Variants in GLRA2 observed in about 807,000 individuals in gnomAD.
GLRA2 encodes the protein glycine receptor alpha 2, also known as glycine receptor subunit alpha-2.
Under a neutral mutation model 31.6 loss-of-function variants are expected in GLRA2, and 11 were observed. The observed-to-expected ratio is 0.35, with a 90% CI of 0.22 to 0.58. GLRA2 has a LOEUF of 0.58. Ranked by LOEUF, GLRA2 falls within the 20% of genes least tolerant of loss-of-function variation. The pLI, the probability that GLRA2 is intolerant of heterozygous loss-of-function variation, is 0.84. For missense variants in GLRA2, 212 were observed against 351.8 expected, an observed-to-expected ratio of 0.60 and a Z score of 3.18; for synonymous variants, 132 against 134.0, an observed-to-expected ratio of 0.99 and a Z score of 0.10.
chrX:14,489,370 G>A, the GLRA2 span, among the ~76,000 whole-genome samples: 2 of 111,389 alleles, frequency 1.8e-5, no homozygotes, highest in African/African-American at 6.5e-5. Context: ...ATTGTTGTGG[G>A]ACTTTTCCTT....
intron 7 of GLRA2, among the ~76,000 whole-genome samples, chrX:14,629,009 C>T (rs2090617508): frequency 9.0e-6 from 1 of 110,886 alleles, no homozygotes; most frequent in South Asian, 3.8e-4. Flanking sequence ...TACTGGCTGT[C>T]GGAATGAAGA....
intron 2 of GLRA2, among the ~76,000 whole-genome samples, chrX:14,569,630 G>A (rs1160128188): frequency 1.8e-5 from 2 of 112,564 alleles, no homozygotes; most frequent in Non-Finnish European, 3.8e-5. Context: ...CACAGATGTG[G>A]AGAAATTGGA....
intron 4 of GLRA2, 65 bp downstream of exon 4, chrX:14,581,471 T>A: frequency 3.2e-6 from 2 of 627,904 alleles, no homozygotes; most frequent in Non-Finnish European, 5.4e-6. Flanking sequence ...GCTGCCTGAT[T>A]CTGCAGGGTA....
intron 2 of GLRA2, among the ~76,000 whole-genome samples, chrX:14,572,665 T>C (rs945456337): frequency 8.9e-6 from 1 of 112,217 alleles, no homozygotes; most frequent in Non-Finnish European, 1.9e-5. Context: ...CGGGACAAAT[T>C]AAAAATAGTT....
At chrX:14,700,580 C>T (rs1433875633) in intron 8 of GLRA2, among the ~76,000 whole-genome samples, 1 of 111,467 alleles carries the variant, frequency 9.0e-6, no homozygotes, top group Non-Finnish European at 1.9e-5. Context: ...TAAGAAGCAG[C>T]CATGGATTTT....
At chrX:14,582,693 G>A (rs1054760168) in intron 4 of GLRA2, among the ~76,000 whole-genome samples, 4 of 111,779 alleles carry the variant, frequency 3.6e-5, no homozygotes, top group Admixed American at 9.5e-5. Context: ...ATTTTAAAAC[G>A]GGAAACTCCA....
intron 3 of GLRA2, among the ~76,000 whole-genome samples, chrX:14,575,511 C>A (rs1286451606): frequency 1.8e-5 from 2 of 110,860 alleles, no homozygotes; most frequent in African/African-American, 3.3e-5. Context: ...CTCTTCTGCC[C>A]AGGTTGGAGT....
rs940930542 is a variant in GLRA2 at position 14,582,313 on chromosome X, G to A, written c.494+907G>A. On this transcript the variant is annotated intron_variant, in intron 4 of 8. Transcript: ENST00000218075. ...TTCCCACCTATGAGTGAGAATATGC[G>A]GTGTTTGGTTTTTTCTTCTTGCGAT... Among the ~76,000 whole-genome samples the A allele has an allele frequency of 3.6e-4, 38 of 105,308 alleles. 2 individuals carry two copies. The highest frequency in any genetic ancestry group is 2.4e-3 in the East Asian group (8 of 3,392). 91.4% of individuals were successfully genotyped at this position (105,308 alleles called of 115,157 possible).
chrX:14,488,165 G>T, the GLRA2 span, among the ~76,000 whole-genome samples: 1 of 111,899 alleles, frequency 8.9e-6, no homozygotes, highest in African/African-American at 3.2e-5. Flanking sequence ...TTCACCCACA[G>T]GCTCACTGAA....
the GLRA2 span, among the ~76,000 whole-genome samples, chrX:14,518,760 C>T: frequency 9.2e-6 from 1 of 108,362 alleles, no homozygotes; most frequent in Admixed American, 9.9e-5. Context: ...CCTGTAATCC[C>T]AGCACTTTGG....
At chrX:14,490,159 C>T in the GLRA2 span, among the ~76,000 whole-genome samples, 5 of 112,008 alleles carry the variant, frequency 4.5e-5, no homozygotes, top group Non-Finnish European at 9.4e-5. Flanking sequence ...AGGCTACTCA[C>T]CTGCCTGGGA....
intron 7 of GLRA2, among the ~76,000 whole-genome samples, chrX:14,626,128 T>C (rs959738259): frequency 5.3e-5 from 6 of 112,365 alleles, no homozygotes; most frequent in African/African-American, 1.6e-4. Flanking sequence ...ATGAGGTAAG[T>C]AGTATTTTGC....
chrX:14,544,717 A>G (rs980400205), intron 2 of GLRA2, among the ~76,000 whole-genome samples: 20 of 111,920 alleles, frequency 1.8e-4, no homozygotes, highest in South Asian at 7.4e-4. Flanking sequence ...ATTGTTTGCA[A>G]TGAAGATGGA....
At chrX:14,635,415 CAT>C (rs1248247759) in intron 7 of GLRA2, among the ~76,000 whole-genome samples, 1 of 111,695 alleles carries the variant, frequency 9.0e-6, no homozygotes, top group Non-Finnish European at 1.9e-5. Context: ...TGACCACACA[CAT>C]GTGGCTGAGG....
chrX:14,556,405 A>G (rs1019779123), intron 2 of GLRA2, among the ~76,000 whole-genome samples: 2 of 111,675 alleles, frequency 1.8e-5, no homozygotes, highest in African/African-American at 3.3e-5. Context: ...ACTAATTCCA[A>G]ATGGCATTCA....
At chrX:14,645,092 A>G (rs1046881384) in intron 7 of GLRA2, among the ~76,000 whole-genome samples, 7 of 111,788 alleles carry the variant, frequency 6.3e-5, no homozygotes, top group African/African-American at 2.3e-4. Flanking sequence ...CATTAATGAG[A>G]AATGTTGGTT....
intron 7 of GLRA2, among the ~76,000 whole-genome samples, chrX:14,664,975 A>C (rs2091025254): frequency 8.9e-6 from 1 of 111,779 alleles, no homozygotes. Context: ...GCACGCCATC[A>C]GCCCAACTGC....
At chrX:14,702,768 G>C (rs959947112) in intron 8 of GLRA2, among the ~76,000 whole-genome samples, 15 of 111,758 alleles carry the variant, frequency 1.3e-4, no homozygotes, top group African/African-American at 4.6e-4. Flanking sequence ...CAAAGAAAAA[G>C]ATATGACCAC....
chrX:14,454,237 T>C, the GLRA2 span, among the ~76,000 whole-genome samples: 29 of 101,495 alleles, frequency 2.9e-4, 1 homozygote, highest in Admixed American at 1.9e-3. Flanking sequence ...CATACATGAG[T>C]TCAAGGAAAC....
Sources: gnomAD v4.1 joint callset for allele counts (sites outside exome capture counted in the v4.1 genomes callset) on GRCh38, gnomAD v4.1.1 for gene constraint, MANE v1.5 for transcripts, NCBI Gene and HGNC (gene_info 2026-07-23, HGNC 2026-07-21) for gene names.